LRRC37A2: variants seen among roughly 807,000 people sequenced by gnomAD.
The protein encoded by LRRC37A2 is leucine-rich repeat-containing protein 37A2.
Under a neutral mutation model 68.8 loss-of-function variants are expected in LRRC37A2, and 9 were observed. That is an observed-to-expected ratio of 0.13 (90% confidence interval 0.08 to 0.23). LRRC37A2 has a LOEUF of 0.23. LRRC37A2 is among the 10% of genes least tolerant of loss of function. The pLI, the probability that LRRC37A2 is intolerant of heterozygous loss-of-function variation, is 1.00. For missense variants in LRRC37A2, 168 were observed against 950.4 expected, an observed-to-expected ratio of 0.18 and a Z score of 10.82; for synonymous variants, 63 against 367.6, an observed-to-expected ratio of 0.17 and a Z score of 9.48.
chr17:46,496,559 C>T, the LRRC37A2 span, among the ~76,000 whole-genome samples: 16 of 144,416 alleles, frequency 1.1e-4, no homozygotes, highest in East Asian at 2.0e-4. Context: ...GCCGAGATCA[C>T]GCCACTGCAC....
At chr17:46,622,319 G>A in the LRRC37A2 span, among the ~76,000 whole-genome samples, 2 of 148,878 alleles carry the variant, frequency 1.3e-5, no homozygotes, top group East Asian at 2.0e-4. Context: ...TTAGCCAGGC[G>A]TGGTGGTGGG....
At chr17:46,831,727 G>A in the LRRC37A2 span, among the ~76,000 whole-genome samples, 1 of 152,216 alleles carries the variant, frequency 6.6e-6, no homozygotes, top group Non-Finnish European at 1.5e-5. Flanking sequence ...GGAGGGGACT[G>A]GGAAACCAGG....
chr17:47,026,173 G>C, the LRRC37A2 span, among the ~76,000 whole-genome samples: 2 of 152,216 alleles, frequency 1.3e-5, no homozygotes, highest in Non-Finnish European at 2.9e-5. Context: ...ATAGGACTTT[G>C]AAGGGCCATT....
chr17:46,501,928 TG>T, the LRRC37A2 span, among the ~76,000 whole-genome samples: 3 of 151,312 alleles, frequency 2.0e-5, 1 homozygote, highest in Non-Finnish European at 4.4e-5. Context: ...TCTTCAATCC[TG>T]GTTCCACTTC....
chr17:46,843,253 C>T, the LRRC37A2 span, among the ~76,000 whole-genome samples: 1 of 152,184 alleles, frequency 6.6e-6, no homozygotes, highest in African/African-American at 2.4e-5. Context: ...ATTCTTAAGT[C>T]CCCAACACTT....
chr17:47,020,185 A>G, the LRRC37A2 span, among the ~76,000 whole-genome samples: 11 of 149,852 alleles, frequency 7.3e-5, no homozygotes, highest in Admixed American at 6.0e-4. Flanking sequence ...TTGAACCCAG[A>G]TCTATTTATT....
chr17:46,813,349 C>T, the LRRC37A2 span, among the ~76,000 whole-genome samples: 3 of 151,026 alleles, frequency 2.0e-5, no homozygotes, highest in Admixed American at 1.3e-4. Context: ...GTCACAGGGT[C>T]CATTGGTATT....
chr17:46,708,197 G>A, the LRRC37A2 span, among the ~76,000 whole-genome samples: 28 of 152,118 alleles, frequency 1.8e-4, no homozygotes, highest in African/African-American at 6.0e-4. Flanking sequence ...TAGTTCTTTC[G>A]GGTATATACT....
the LRRC37A2 span, among the ~76,000 whole-genome samples, chr17:46,927,649 C>T: frequency 6.6e-6 from 1 of 152,160 alleles, no homozygotes; most frequent in Non-Finnish European, 1.5e-5. Context: ...TTCAAAAGCT[C>T]CCAAATAACG....
the LRRC37A2 span, among the ~76,000 whole-genome samples, chr17:46,927,943 C>G: frequency 1.3e-5 from 2 of 152,168 alleles, no homozygotes; most frequent in Admixed American, 1.3e-4. Flanking sequence ...CAGCCTGCGT[C>G]AGGACTTCCT....
the LRRC37A2 span, chr17:46,877,149 G>A: frequency 2.1e-6 from 2 of 938,744 alleles, no homozygotes; most frequent in East Asian, 1.2e-4. Flanking sequence ...AGTGCCAGCT[G>A]GAAGTGAAGG....
At chr17:46,826,384 G>A in the LRRC37A2 span, among the ~76,000 whole-genome samples, 10 of 152,252 alleles carry the variant, frequency 6.6e-5, no homozygotes, top group South Asian at 2.1e-4. Context: ...TGGCACAGAC[G>A]TTGGAGGGCC....
At chr17:46,734,727 T>C in the LRRC37A2 span, among the ~76,000 whole-genome samples, 2 of 152,186 alleles carry the variant, frequency 1.3e-5, no homozygotes, top group Non-Finnish European at 2.9e-5. Context: ...ATATATATAG[T>C]ACATATATAT....
chr17:47,037,247 G>A, the LRRC37A2 span, among the ~76,000 whole-genome samples: 5 of 151,994 alleles, frequency 3.3e-5, no homozygotes, highest in Admixed American at 2.0e-4. Flanking sequence ...CCGAGGTCAC[G>A]CCATTGCACT....
At chr17:46,948,077 T>C in the LRRC37A2 span, among the ~76,000 whole-genome samples, 9 of 152,152 alleles carry the variant, frequency 5.9e-5, no homozygotes, top group African/African-American at 2.2e-4. Context: ...AGCCTAGAAG[T>C]GATTTTTGTC....
chr17:46,770,173 T>C, the LRRC37A2 span: 2 of 1,318,846 alleles, frequency 1.5e-6, no homozygotes, highest in Admixed American at 2.8e-5. Flanking sequence ...TCACCAGCCC[T>C]GAGGCAAGAG....
At chr17:46,927,967 C>T in the LRRC37A2 span, among the ~76,000 whole-genome samples, 4 of 152,120 alleles carry the variant, frequency 2.6e-5, no homozygotes, top group East Asian at 7.7e-4. Context: ...AGTCCTAATT[C>T]TCCTTTCTGT....
chr17:46,502,502 A>G, the LRRC37A2 span, among the ~76,000 whole-genome samples: 27 of 150,838 alleles, frequency 1.8e-4, 2 homozygotes, highest in East Asian at 5.1e-3. Flanking sequence ...GGGTTTCACC[A>G]TATTGGTCAG....
At chr17:47,009,023 A>G in the LRRC37A2 span, among the ~76,000 whole-genome samples, 1 of 151,978 alleles carries the variant, frequency 6.6e-6, no homozygotes, top group Non-Finnish European at 1.5e-5. Context: ...TCTTTATTTT[A>G]TTACTCGCTT....
Sources: allele counts gnomAD v4.1 joint callset (sites outside exome capture counted in the v4.1 genomes callset), GRCh38; gene constraint gnomAD v4.1.1; transcripts MANE v1.5; gene names NCBI Gene and HGNC (gene_info 2026-07-23, HGNC 2026-07-21).